Variants in SPTBN1 observed in about 807,000 individuals in gnomAD.
SPTBN1 encodes the protein spectrin beta chain, non-erythrocytic 1.
In SPTBN1, 32 loss-of-function variants were observed where a neutral mutation model predicts 266.4. The observed-to-expected ratio is 0.12, with a 90% CI of 0.09 to 0.16. The LOEUF (loss-of-function observed/expected upper bound fraction) is 0.16. Ranked by LOEUF, SPTBN1 falls within the 10% of genes least tolerant of loss-of-function variation. SPTBN1 has a pLI of 1.00. For missense variants in SPTBN1, 2,296 were observed against 3,067.1 expected, an observed-to-expected ratio of 0.75 and a Z score of 5.94; for synonymous variants, 1,336 against 1,162.2, an observed-to-expected ratio of 1.15 and a Z score of -3.04.
At chr2:54,512,814 A>G (rs1031718892) in intron 1 of SPTBN1, among the ~76,000 whole-genome samples, 8 of 152,228 alleles carry the variant, frequency 5.3e-5, no homozygotes, top group Non-Finnish European at 1.0e-4. Flanking sequence ...CTCTGCTGCA[A>G]TACAGCTCCT....
intron 1 of SPTBN1, among the ~76,000 whole-genome samples, chr2:54,486,388 C>T (rs888339098): frequency 3.9e-5 from 6 of 152,136 alleles, no homozygotes; most frequent in African/African-American, 1.2e-4. Flanking sequence ...AAAAATTCTT[C>T]TGCCTTGGGA....
chr2:54,665,954 A>T lies in SPTBN1; in HGVS notation c.6699A>T (p.Glu2233Asp). Residue 2233 changes from glutamate (E) to aspartate (D), a missense_variant, in exon 34 of 36, where the codon GAA (glutamate) becomes GAT (aspartate). Around this residue, in one of 12 missense-constraint regions of SPTBN1, gnomAD observed 347 missense variants for 368.5 expected, o/e 0.94. Transcript: ENST00000356805. ...HNVYCVINNQEMGFYKDAKTA... is the reference protein window; with the variant it reads ...HNVYCVINNQDMGFYKDAKTA... ...TTTATTGTGTCATAAATAACCAAGA[A>T]ATGGGTTTCTACAAAGATGCAAAGA... 3 of 1,614,060 alleles carry T rather than the reference A, an allele frequency of 1.9e-6. No individual in the cohort carries two copies. The highest frequency in any genetic ancestry group is 1.7e-6 in the Non-Finnish European group (2 of 1,179,994).
intron 17 of SPTBN1, among the ~76,000 whole-genome samples, chr2:54,633,449 C>T (rs1678899320): frequency 6.6e-6 from 1 of 151,792 alleles, no homozygotes. Context: ...GTCTGTCTGT[C>T]TGAAAGATTT....
At chr2:54,608,962 G>C (rs1573520891) in intron 3 of SPTBN1, among the ~76,000 whole-genome samples, 1 of 152,168 alleles carries the variant, frequency 6.6e-6, no homozygotes, top group South Asian at 2.1e-4. Context: ...GATTCATTAA[G>C]TGGAAGTGGA....
chr2:54,637,304 A>G (rs946264790), intron 17 of SPTBN1, among the ~76,000 whole-genome samples: 2 of 152,212 alleles, frequency 1.3e-5, no homozygotes, highest in African/African-American at 4.8e-5. Context: ...AAAGCCAGTT[A>G]CATGATTATA....
At chr2:54,580,553 G>A (rs1316450223) in intron 2 of SPTBN1, among the ~76,000 whole-genome samples, 1 of 151,600 alleles carries the variant, frequency 6.6e-6, no homozygotes. Flanking sequence ...TGTGTGTGTT[G>A]GAGGATGGAT....
chr2:54,661,750 G>C, intron 32 of SPTBN1: 1 of 985,412 alleles, frequency 1.0e-6, no homozygotes, highest in Non-Finnish European at 1.2e-6. Flanking sequence ...ATATATGTGT[G>C]TGTGTTTAAA....
rs1198504556 is a variant in SPTBN1, at chr2:54,602,798, T to C, written c.300+3555T>C. Among the ~76,000 whole-genome samples, 7 of 152,354 alleles carry C rather than the reference T, an allele frequency of 4.6e-5. No homozygotes were observed. The Middle Eastern group carries it at 0.014, about 296-fold the overall frequency. ...AGCAGGCTGAGCTAGGTGGAGAAGA[T>C]AGATTTAACATGAGATTTGTTAAGC... On this transcript the variant is annotated intron_variant, in intron 3 of 35. Coordinates refer to ENST00000356805, the MANE Select transcript of SPTBN1 (RefSeq NM_003128.3).
At chr2:54,615,206 C>A (rs1195439583) in intron 4 of SPTBN1, among the ~76,000 whole-genome samples, 7 of 151,926 alleles carry the variant, frequency 4.6e-5, no homozygotes, top group Non-Finnish European at 1.0e-4. Context: ...CTTTTTAATC[C>A]TGTATTTATA....
At chr2:54,576,020 G>A (rs1215555165) in intron 2 of SPTBN1, among the ~76,000 whole-genome samples, 1 of 137,944 alleles carries the variant, frequency 7.2e-6, no homozygotes, top group African/African-American at 2.7e-5. Context: ...GATGGTAATG[G>A]TCTGTGTTTT....
At chr2:54,480,745 T>C (rs941535361) in intron 1 of SPTBN1, among the ~76,000 whole-genome samples, 1 of 152,176 alleles carries the variant, frequency 6.6e-6, no homozygotes. Flanking sequence ...TGAAAAAGAA[T>C]TCAGTCTGGT....
At chr2:54,484,430 C>T (rs1013746194) in intron 1 of SPTBN1, among the ~76,000 whole-genome samples, 2 of 152,266 alleles carry the variant, frequency 1.3e-5, no homozygotes, top group Admixed American at 1.3e-4. Context: ...TTTTTAATTA[C>T]ATTTCACACT....
chr2:54,591,590 C>A (rs1573482914), intron 2 of SPTBN1, among the ~76,000 whole-genome samples: 1 of 152,314 alleles, frequency 6.6e-6, no homozygotes, highest in African/African-American at 2.4e-5. Flanking sequence ...TGAATAGGGT[C>A]TTTTGACAGT....
chr2:54,632,405 A>G (rs1678812215), intron 16 of SPTBN1, among the ~76,000 whole-genome samples, 161 bp from the exon 17 acceptor site: 1 of 152,230 alleles, frequency 6.6e-6, no homozygotes, highest in Non-Finnish European at 1.5e-5. Context: ...ACAGTGTCCC[A>G]CTGGGTTTTT....
chr2:54,666,243 C>T (rs3739107), intron 34 of SPTBN1, among the ~76,000 whole-genome samples, 155 bp downstream of exon 34: 2 of 152,130 alleles, frequency 1.3e-5, no homozygotes, highest in East Asian at 3.8e-4. Context: ...GCACGTGTCT[C>T]GGTTAGGCTG....
At chr2:54,468,341 A>G (rs1693745502) in intron 1 of SPTBN1, among the ~76,000 whole-genome samples, 1 of 151,854 alleles carries the variant, frequency 6.6e-6, no homozygotes, top group Non-Finnish European at 1.5e-5. Context: ...AAAATAAAAA[A>G]ATAAAAAAAT....
chr2:54,637,416 G>A (rs934922335), intron 17 of SPTBN1, among the ~76,000 whole-genome samples: 1 of 152,110 alleles, frequency 6.6e-6, no homozygotes, highest in African/African-American at 2.4e-5. Flanking sequence ...TACAAAGCGT[G>A]TGCTCATATT....
chr2:54,515,157 C>G (rs1194312372), intron 1 of SPTBN1, among the ~76,000 whole-genome samples: 1 of 152,068 alleles, frequency 6.6e-6, no homozygotes, highest in Non-Finnish European at 1.5e-5. Context: ...GTGGCCCCCA[C>G]CCAGGACTGA....
rs60696017 is a variant in SPTBN1, at chr2:54,669,240, A to ATT, written c.*682_*683dup. The ATT allele has an allele frequency of 0.15, 22,443 of 150,138 alleles. 1,903 individuals carry two copies. Among genetic ancestry groups the ATT allele is most frequent in the East Asian group, 0.4 (2,063 of 5,142 alleles). 9.3% of individuals were successfully genotyped at this position (150,138 alleles called of 1,614,324 possible). A position where few individuals can be genotyped will look rare whatever the true frequency, so the allele number is the denominator to read the frequency against. ...CTGTTTTAAATAATCTGTAATTTCA[A>ATT]TTTTTTTTTTTTGCTGAAATACATT... On this transcript the variant is annotated 3_prime_UTR_variant, in exon 36 of 36. Coordinates refer to ENST00000356805, the MANE Select transcript of SPTBN1 (RefSeq NM_003128.3).
Sources: gnomAD v4.1 joint callset for allele counts (sites outside exome capture counted in the v4.1 genomes callset) on GRCh38, gnomAD v4.1.1 for gene constraint, gnomAD v4.1.1 regional missense constraint, MANE v1.5 for transcripts, NCBI Gene and HGNC (gene_info 2026-07-23, HGNC 2026-07-21) for gene names.